The following HSD17B12 variants were observed in gnomAD, a reference collection of about 807,000 sequenced individuals.
HSD17B12 encodes hydroxysteroid 17-beta dehydrogenase 12, also known as very-long-chain 3-oxoacyl-CoA reductase.
Under a neutral mutation model 39.3 loss-of-function variants are expected in HSD17B12, and 32 were observed. The observed-to-expected ratio is 0.81, with a 90% confidence interval of 0.61 to 1.09. HSD17B12 has a LOEUF of 1.09. HSD17B12 is among the 50% of genes least tolerant of loss of function. The pLI is 0.00. For missense variants in HSD17B12, 342 were observed against 382.9 expected (o/e 0.89, Z 0.89); for synonymous variants, 150 against 146.7 (o/e 1.02, Z -0.16).
the HSD17B12 span, among the ~76,000 whole-genome samples, chr11:43,610,909 T>C: frequency 5.9e-5 from 9 of 152,196 alleles, no homozygotes; most frequent in Non-Finnish European, 1.0e-4. Context: ...ACATGGTGTT[T>C]TTCCTTTTGC....
the HSD17B12 span, among the ~76,000 whole-genome samples, chr11:43,635,023 G>T: frequency 6.6e-6 from 1 of 152,094 alleles, no homozygotes; most frequent in African/African-American, 2.4e-5. Flanking sequence ...AAATACTTGG[G>T]AGTAAAGTGC....
the HSD17B12 span, among the ~76,000 whole-genome samples, chr11:43,651,981 A>G: frequency 1.3e-5 from 2 of 152,222 alleles, no homozygotes; most frequent in Non-Finnish European, 2.9e-5. Flanking sequence ...TTGCTGAGAA[A>G]TTTAAAGAAT....
intron 3 of HSD17B12, among the ~76,000 whole-genome samples, chr11:43,763,371 G>C (rs1049638858): frequency 6.6e-6 from 1 of 151,878 alleles, no homozygotes; most frequent in African/African-American, 2.4e-5. Flanking sequence ...CAACACAAAA[G>C]CTCAAAAAGT....
At chr11:43,704,786 G>T (rs753852136) in intron 1 of HSD17B12, among the ~76,000 whole-genome samples, 1 of 152,156 alleles carries the variant, frequency 6.6e-6, no homozygotes, top group Non-Finnish European at 1.5e-5. Context: ...GTGAGGATGG[G>T]ATGGATACCT....
At chr11:43,575,817 C>T in the HSD17B12 span, among the ~76,000 whole-genome samples, 30 of 152,232 alleles carry the variant, frequency 2.0e-4, no homozygotes, top group African/African-American at 6.8e-4. This position sits in a 1 kb window ranked among gnomAD's most constrained non-coding sequence, Gnocchi z 4.1. Context: ...TCTCCAGCCC[C>T]CTCGTAGTGA....
the HSD17B12 span, among the ~76,000 whole-genome samples, chr11:43,670,768 C>T: frequency 2.6e-5 from 4 of 152,078 alleles, no homozygotes; most frequent in African/African-American, 7.2e-5. Flanking sequence ...GCCTGTAGTC[C>T]TAGCTACTTG....
chr11:43,794,215 G>A (rs915674059), intron 3 of HSD17B12, among the ~76,000 whole-genome samples: 38 of 152,138 alleles, frequency 2.5e-4, no homozygotes, highest in Non-Finnish European at 5.0e-4. Context: ...TTCAGATACC[G>A]ACTGATTTGT....
intron 1 of HSD17B12, among the ~76,000 whole-genome samples, chr11:43,738,306 G>A (rs1276525308): frequency 6.6e-6 from 1 of 151,860 alleles, no homozygotes; most frequent in African/African-American, 2.4e-5. Flanking sequence ...TGCTGCACAG[G>A]TCATCTCATC....
intron 1 of HSD17B12, among the ~76,000 whole-genome samples, chr11:43,740,304 G>A (rs1950352624): frequency 6.6e-6 from 1 of 152,174 alleles, no homozygotes; most frequent in Admixed American, 6.5e-5. Context: ...TTACCTGGAT[G>A]ATATCAGTGA....
the HSD17B12 span, among the ~76,000 whole-genome samples, chr11:43,632,803 A>T: frequency 4.6e-5 from 7 of 152,202 alleles, no homozygotes; most frequent in Admixed American, 4.6e-4. Context: ...ACATTTGGGC[A>T]TGTTGGCATG....
Position 43,793,691 on chromosome 11 carries a change from C to T in HSD17B12, c.284-4629C>T, listed in dbSNP as rs552719929. ...ATATTGAGAGGTGTTTCAGCAGCAT[C>T]TTGAGACTATTTGAGGGTTCAGTTC... On this transcript the variant is annotated intron_variant, in intron 3 of 10. Coordinates refer to ENST00000278353, the MANE Select transcript of HSD17B12 (RefSeq NM_016142.3). 3.9e-5 allele frequency among the ~76,000 whole-genome samples: 6 copies of T among 152,286 alleles called. No homozygotes were observed. The South Asian group carries it at 8.3e-4, about 21-fold the overall frequency.
At chr11:43,706,815 G>T (rs1055308433) in intron 1 of HSD17B12, among the ~76,000 whole-genome samples, 1 of 151,806 alleles carries the variant, frequency 6.6e-6, no homozygotes, top group Non-Finnish European at 1.5e-5. Context: ...CTGTGTTTAA[G>T]GTACAGTATT....
At chr11:43,727,291 G>A (rs1950230360) in intron 1 of HSD17B12, among the ~76,000 whole-genome samples, 2 of 152,194 alleles carry the variant, frequency 1.3e-5, no homozygotes, top group South Asian at 2.1e-4. Context: ...AGCAGTCCTT[G>A]TGATTTTCAG....
At chr11:43,772,355 TACTA>T (rs749952137) in intron 3 of HSD17B12, among the ~76,000 whole-genome samples, 8 of 152,248 alleles carry the variant, frequency 5.3e-5, no homozygotes, top group Non-Finnish European at 1.0e-4. Flanking sequence ...AGTTGGTGTG[TACTA>T]ACTATCTCAG....
chr11:43,574,486 G>GA, the HSD17B12 span, among the ~76,000 whole-genome samples: 1 of 152,192 alleles, frequency 6.6e-6, no homozygotes, highest in African/African-American at 2.4e-5. Flanking sequence ...TAAGGAGGGT[G>GA]ATTTGTGTGC....
At chr11:43,718,240 G>A (rs1950143139) in intron 1 of HSD17B12, among the ~76,000 whole-genome samples, 1 of 152,174 alleles carries the variant, frequency 6.6e-6, no homozygotes, top group East Asian at 1.9e-4. Flanking sequence ...AGGTATTGTT[G>A]CAGCTGTCTT....
intron 1 of HSD17B12, chr11:43,718,871 C>T (rs1227090035): frequency 1.1e-6 from 1 of 891,128 alleles, no homozygotes; most frequent in Non-Finnish European, 1.9e-6. Context: ...GAAAAGCACC[C>T]TCAGGAGAAA....
the HSD17B12 span, among the ~76,000 whole-genome samples, chr11:43,664,930 G>A: frequency 2.6e-5 from 4 of 152,166 alleles, no homozygotes; most frequent in Non-Finnish European, 5.9e-5. Flanking sequence ...AAAATGTCTC[G>A]TTCATGAAAC....
the HSD17B12 span, among the ~76,000 whole-genome samples, chr11:43,624,402 T>G: frequency 6.6e-6 from 1 of 151,960 alleles, no homozygotes; most frequent in South Asian, 2.1e-4. Context: ...CTAAGTACCT[T>G]TCTTTTTCAG....
Sources: allele counts gnomAD v4.1 joint callset (sites outside exome capture counted in the v4.1 genomes callset), GRCh38; gene constraint gnomAD v4.1.1; non-coding constraint Gnocchi (gnomAD v3.1); transcripts MANE v1.5; gene names NCBI Gene and HGNC (gene_info 2026-07-23, HGNC 2026-07-21).